The following FLNB variants were observed in gnomAD, a reference collection of about 807,000 sequenced individuals.
FLNB encodes filamin-B.
A neutral mutation model predicts 250.6 loss-of-function variants in FLNB; 111 were observed. That is an observed-to-expected ratio of 0.44 (90% CI 0.38 to 0.52). The LOEUF (loss-of-function observed/expected upper bound fraction) is 0.52, where lower values mean the gene tolerates loss of function less well. Ranked by LOEUF, FLNB falls within the 20% of genes least tolerant of loss-of-function variation. The pLI, the probability that FLNB is intolerant of heterozygous loss-of-function variation, is 0.00. For synonymous variants in FLNB, 1,302 were observed against 1,372.1 expected, an observed-to-expected ratio of 0.95 and a Z score of 1.13; for missense variants, 2,869 against 3,447.8, an observed-to-expected ratio of 0.83 and a Z score of 4.20.
chr3:58,010,592 C>A (rs1273322474), intron 1 of FLNB, among the ~76,000 whole-genome samples: 1 of 152,184 alleles, frequency 6.6e-6, no homozygotes, highest in Non-Finnish European at 1.5e-5. Flanking sequence ...AAACCAGCCT[C>A]CCCTCTGAAG....
At chr3:58,154,581 C>T (rs2097350488) in intron 39 of FLNB, 2 of 561,308 alleles carry the variant, frequency 3.6e-6, no homozygotes, top group Non-Finnish European at 6.4e-6. Flanking sequence ...TCAGAGGACT[C>T]CAGATGTCCT....
intron 8 of FLNB, among the ~76,000 whole-genome samples, chr3:58,099,434 C>CTGTT (rs2097245452): frequency 6.6e-6 from 1 of 152,210 alleles, no homozygotes; most frequent in Non-Finnish European, 1.5e-5. Flanking sequence ...ACCACAGACT[C>CTGTT]TGTTGGCCTT....
chr3:58,038,868 C>T (rs114676035), intron 1 of FLNB, among the ~76,000 whole-genome samples: 2 of 152,072 alleles, frequency 1.3e-5, no homozygotes, highest in African/African-American at 4.8e-5. Flanking sequence ...AGATAGTTCT[C>T]TGTAGATGAT....
chr3:58,076,595 C>T (rs151066837), intron 1 of FLNB, among the ~76,000 whole-genome samples: 143 of 152,128 alleles, frequency 9.4e-4, no homozygotes, highest in African/African-American at 3.3e-3. Flanking sequence ...GCTGGGACTA[C>T]AGGAGTGAGC....
rs58727890 is a variant in FLNB, at chr3:58,043,141, C to CTTTT, written c.293-33885_293-33882dup. 1.1e-3 allele frequency among the ~76,000 whole-genome samples: 113 copies of CTTTT among 101,954 alleles called. 1 individual carries two copies. Among genetic ancestry groups the CTTTT allele is most frequent in the African/African-American group, 1.3e-3 (31 of 23,316 alleles). The allele number at this position is 101,954 out of a possible 152,430, so 66.9% of individuals were successfully genotyped here. On this transcript the variant is annotated intron_variant, in intron 1 of 45. Transcript: ENST00000295956. ...AAGTCATTTTGGTAATTTGGCATTC[C>CTTTT]TTTTTTTTTTTTTTTTTTTTTTTGA... is the stretch of plus-strand genomic sequence containing the variant.
intron 14 of FLNB, 73 bp from the exon 15 acceptor site, chr3:58,109,503 C>G (rs2097264947): frequency 1.1e-5 from 18 of 1,610,482 alleles, no homozygotes; most frequent in Non-Finnish European, 1.4e-5. Flanking sequence ...CTATTTCTAA[C>G]AATGTTTTTT....
At chr3:58,153,289 C>T in intron 38 of FLNB, 86 bp from the exon 39 acceptor site, 1 of 1,518,582 alleles carries the variant, frequency 6.6e-7, no homozygotes, top group Non-Finnish European at 9.1e-7. Context: ...ACACCTTGCT[C>T]TCGGCTGCTT....
At chr3:58,026,734 A>G (rs1006647508) in intron 1 of FLNB, among the ~76,000 whole-genome samples, 3 of 152,132 alleles carry the variant, frequency 2.0e-5, no homozygotes, top group African/African-American at 7.2e-5. Context: ...CTCCTTGGAC[A>G]CCAGCTGCCT....
intron 40 of FLNB, among the ~76,000 whole-genome samples, chr3:58,155,698 T>C (rs1304060846): frequency 6.6e-6 from 1 of 152,200 alleles, no homozygotes; most frequent in African/African-American, 2.4e-5. Context: ...CGTAATTTTT[T>C]CCCCATTGAA....
intron 1 of FLNB, among the ~76,000 whole-genome samples, chr3:58,049,305 C>A (rs759848961): frequency 6.6e-6 from 1 of 152,134 alleles, no homozygotes; most frequent in African/African-American, 2.4e-5. Flanking sequence ...TTTGCAGCTG[C>A]GAGAAGGGCC....
intron 1 of FLNB, among the ~76,000 whole-genome samples, chr3:58,018,277 T>A (rs2097108591): frequency 6.6e-6 from 1 of 150,496 alleles, no homozygotes; most frequent in Non-Finnish European, 1.5e-5. Context: ...AGACATTAAA[T>A]GAGACAGCGA....
chr3:58,030,461 G>A (rs535699798), intron 1 of FLNB, among the ~76,000 whole-genome samples: 2 of 152,280 alleles, frequency 1.3e-5, no homozygotes, highest in East Asian at 1.9e-4. Flanking sequence ...CCATAGTAGA[G>A]TTCCTGTGAG....
At chr3:58,112,475 A>G (rs2097270545) in intron 18 of FLNB, among the ~76,000 whole-genome samples, 157 bp downstream of exon 18, 1 of 152,334 alleles carries the variant, frequency 6.6e-6, no homozygotes, top group East Asian at 1.9e-4. Context: ...CCCCTCTGGG[A>G]GCACCTATAG....
At chr3:58,081,511 G>A in intron 3 of FLNB, 118 bp from the exon 4 acceptor site, 1 of 963,616 alleles carries the variant, frequency 1.0e-6, no homozygotes, top group Non-Finnish European at 1.7e-6. Context: ...TCACTTAATT[G>A]AGAAGCTGAC....
chr3:58,082,159 G>A (rs903431548), intron 4 of FLNB, among the ~76,000 whole-genome samples: 1 of 152,144 alleles, frequency 6.6e-6, no homozygotes, highest in Non-Finnish European at 1.5e-5. Context: ...GTTACACTAA[G>A]CCTGCCTCAG....
chr3:58,106,843 C>T lies in FLNB; in HGVS notation c.1911C>T (p.His637=). 1.2e-6 allele frequency: 2 copies of T among 1,614,008 alleles called. No homozygotes were observed. Among genetic ancestry groups the T allele is most frequent in the Admixed American group, 1.7e-5 (1 of 60,020 alleles). The part of the protein sequence containing the change: ...IKDSPYMAFI[H]PATGGYNPDL... ...ACAGCCCGTACATGGCCTTCATCCA[C>T]CCAGCCACGGGAGGCTACAACCCTG... The change falls in exon 12 of 46, where the codon CAC becomes CAT. Residue 637 remains histidine, a synonymous_variant. Transcript: ENST00000295956.
Position 58,124,418 on chromosome 3 carries a change from G to A in FLNB, c.3811G>A (p.Ala1271Thr), listed in dbSNP as rs1304457252. 1.2e-6 allele frequency: 2 copies of A among 1,614,072 alleles called. No homozygotes were observed. Among genetic ancestry groups the A allele is most frequent in the South Asian group, 1.1e-5 (1 of 91,086 alleles). Reference protein sequence around the residue: ...VGGDHIKAHIANPSGASTECF... With the variant: ...VGGDHIKAHITNPSGASTECF... ...GGGTGACCACATCAAGGCCCACATT[G>A]CCAACCCCTCAGGGGCCTCCACCGA... The change falls in exon 22 of 46, where the codon GCC becomes ACC. Residue 1271 changes from alanine (A) to threonine (T), a missense_variant. Coordinates refer to ENST00000295956, the MANE Select transcript of FLNB (RefSeq NM_001457.4).
intron 1 of FLNB, among the ~76,000 whole-genome samples, chr3:58,041,998 G>A (rs1440893841): frequency 6.6e-6 from 1 of 152,188 alleles, no homozygotes; most frequent in Non-Finnish European, 1.5e-5. Flanking sequence ...TAGCATTCTT[G>A]AAGTTCTTTC....
rs532247306 is a variant in FLNB at position 58,107,601 on chromosome 3, T to C, written c.1941+728T>C. 9.8e-5 allele frequency among the ~76,000 whole-genome samples: 15 copies of C among 152,352 alleles called. No homozygotes were observed. In the South Asian group the frequency reaches 2.5e-3, roughly 25 times the overall value. ...GTCTTACAGCCATTTTCTATAGTTA[T>C]TATTTCAAGGTGCTCCATAGATAAA... is the stretch of plus-strand genomic sequence containing the variant. On this transcript the variant is annotated intron_variant, in intron 12 of 45. Coordinates refer to ENST00000295956, the MANE Select transcript of FLNB (RefSeq NM_001457.4).
Sources: allele counts gnomAD v4.1 joint callset (sites outside exome capture counted in the v4.1 genomes callset), GRCh38; gene constraint gnomAD v4.1.1; transcripts MANE v1.5; gene names NCBI Gene and HGNC (gene_info 2026-07-23, HGNC 2026-07-21).